The following FERMT2 variants were observed in gnomAD, a reference collection of about 807,000 sequenced individuals.
FERMT2 encodes fermitin family homolog 2.
Under a neutral mutation model 82.7 loss-of-function variants are expected in FERMT2, and 15 were observed. The ratio of observed to expected loss-of-function variants is 0.18; its 90% CI spans 0.12 to 0.28. The LOEUF (loss-of-function observed/expected upper bound fraction) is 0.28, where lower values mean the gene tolerates loss of function less well. Among genes scored for constraint, FERMT2 ranks in the 10% least tolerant of loss-of-function variants. The pLI is 1.00. For synonymous variants in FERMT2, 274 were observed against 271.5 expected (o/e 1.01, Z -0.09); for missense variants, 645 against 809.4 (o/e 0.80, Z 2.46).
At chr14:52,900,891 G>A (rs1398096981) in intron 3 of FERMT2, among the ~76,000 whole-genome samples, 1 of 151,950 alleles carries the variant, frequency 6.6e-6, no homozygotes, top group Admixed American at 6.6e-5. Flanking sequence ...GAAAAAGCTT[G>A]CTCAATATGT....
At chr14:52,872,708 A>T (rs1032693199) in intron 10 of FERMT2, 91 bp downstream of exon 10, 61 of 1,421,986 alleles carry the variant, frequency 4.3e-5, no homozygotes, top group East Asian at 2.8e-4. Context: ...TGATTTTTTT[A>T]AAAAACTTGT....
At chr14:52,899,512 G>C (rs1015429791) in intron 3 of FERMT2, among the ~76,000 whole-genome samples, 5 of 152,146 alleles carry the variant, frequency 3.3e-5, no homozygotes, top group African/African-American at 1.2e-4. Flanking sequence ...ACGATCTCCT[G>C]ACCTAGTGAT....
chr14:52,885,189 T>C (rs1039743572), intron 4 of FERMT2, among the ~76,000 whole-genome samples: 1 of 151,556 alleles, frequency 6.6e-6, no homozygotes. Context: ...GGCATGCTCC[T>C]GTAGTTCCAG....
intron 5 of FERMT2, 23 bp downstream of exon 5, chr14:52,881,221 T>G: frequency 6.2e-7 from 1 of 1,604,470 alleles, no homozygotes; most frequent in Non-Finnish European, 8.5e-7. Context: ...GAAATTCAAT[T>G]TTATCTATAT....
intron 4 of FERMT2, among the ~76,000 whole-genome samples, chr14:52,890,929 C>T (rs1164308453): frequency 6.6e-6 from 1 of 152,080 alleles, no homozygotes; most frequent in African/African-American, 2.4e-5. Flanking sequence ...TTACCTCTTC[C>T]TCAACCTACA....
intron 2 of FERMT2, among the ~76,000 whole-genome samples, chr14:52,937,448 T>C (rs1356915141): frequency 6.6e-6 from 1 of 152,188 alleles, no homozygotes; most frequent in Non-Finnish European, 1.5e-5. Context: ...CTGGAATGCC[T>C]TTCTTCCTAA....
At position 52,858,557 on chromosome 14, in the gene FERMT2, C is replaced by A; in HGVS notation, c.1870-7G>T. 2.5e-6 allele frequency: 4 copies of A among 1,613,660 alleles called. No homozygotes were observed. The highest frequency in any genetic ancestry group is 3.4e-6 in the Non-Finnish European group (4 of 1,179,704). ...CTGCAAACTCTACGGTGACCTGGAA[C>A]AAAGACAAGAGCCATCAGTGCTGTC... On this transcript the variant is annotated splice_polypyrimidine_tract_variant and splice_region_variant and intron_variant, in intron 14 of 14. Coordinates refer to ENST00000341590, the MANE Select transcript of FERMT2 (RefSeq NM_006832.3).
chr14:52,919,359 A>G lies in FERMT2; in HGVS notation c.158-3T>C. The G allele has an allele frequency of 1.9e-6, 3 of 1,570,878 alleles. No homozygotes were observed. The highest frequency in any genetic ancestry group is 2.6e-6 in the Non-Finnish European group (3 of 1,154,462). ...GTCAGACCAATCTTTTTTTACATCT[A>G]TAAAAAACAAACAATAAACAAATCA... is the stretch of plus-strand genomic sequence containing the variant. On this transcript the variant is annotated splice_region_variant and splice_polypyrimidine_tract_variant and intron_variant, in intron 2 of 14. Coordinates refer to ENST00000341590, the MANE Select transcript of FERMT2 (RefSeq NM_006832.3).
intron 3 of FERMT2, among the ~76,000 whole-genome samples, chr14:52,904,707 C>T (rs931922178): frequency 5.0e-5 from 7 of 139,788 alleles, no homozygotes; most frequent in African/African-American, 1.9e-4. Context: ...AAGAAACAAA[C>T]AAACAAACAA....
At chr14:52,891,284 A>C (rs1259148557) in intron 4 of FERMT2, among the ~76,000 whole-genome samples, 11 of 152,172 alleles carry the variant, frequency 7.2e-5, no homozygotes, top group Non-Finnish European at 2.9e-5. Flanking sequence ...AGCTGAATTC[A>C]CAAACTTTGT....
intron 3 of FERMT2, among the ~76,000 whole-genome samples, chr14:52,900,999 G>A (rs1398550510): frequency 2.7e-5 from 4 of 149,916 alleles, no homozygotes; most frequent in Admixed American, 1.4e-4. Flanking sequence ...AGTGGCTCAT[G>A]CCTGTAATCC....
chr14:52,910,937 G>A (rs1045602592), intron 3 of FERMT2, among the ~76,000 whole-genome samples: 1 of 151,898 alleles, frequency 6.6e-6, no homozygotes, highest in Non-Finnish European at 1.5e-5. Flanking sequence ...TTAATTAAGG[G>A]GAAATATTTA....
intron 10 of FERMT2, among the ~76,000 whole-genome samples, chr14:52,866,017 T>C (rs1203888446): frequency 2.0e-5 from 3 of 152,234 alleles, no homozygotes; most frequent in Admixed American, 6.5e-5. Context: ...AACTGTTTAA[T>C]GTGCAAAGTT....
At chr14:52,921,052 CA>C (rs1339208879) in intron 2 of FERMT2, among the ~76,000 whole-genome samples, 2 of 152,112 alleles carry the variant, frequency 1.3e-5, no homozygotes, top group African/African-American at 4.8e-5. Context: ...AAGAGTTTAT[CA>C]ACTTTAAGAC....
At chr14:52,880,484 C>T (rs1037870640) in intron 6 of FERMT2, among the ~76,000 whole-genome samples, 3 of 152,046 alleles carry the variant, frequency 2.0e-5, no homozygotes, top group Non-Finnish European at 2.9e-5. Flanking sequence ...CTGCAAGCTC[C>T]GTCTTCCAGG....
At chr14:52,873,012 T>C (rs1284968176) in intron 9 of FERMT2, 89 bp from the exon 10 acceptor site, 1 of 1,316,796 alleles carries the variant, frequency 7.6e-7, no homozygotes, top group Non-Finnish European at 1.1e-6. Context: ...TTAATTTAAG[T>C]CTGGGGTCAA....
chr14:52,921,087 G>A (rs907915079), intron 2 of FERMT2, among the ~76,000 whole-genome samples: 3 of 152,038 alleles, frequency 2.0e-5, no homozygotes, highest in African/African-American at 7.3e-5. Context: ...TATTAATCTA[G>A]AAATTGAAAC....
chr14:52,876,313 A>G (rs907001147), intron 7 of FERMT2, among the ~76,000 whole-genome samples: 3 of 152,208 alleles, frequency 2.0e-5, no homozygotes, highest in African/African-American at 4.8e-5. Flanking sequence ...AGAAATGTCA[A>G]TGTTCATAAA....
intron 3 of FERMT2, among the ~76,000 whole-genome samples, chr14:52,909,860 C>T (rs1473253350): frequency 6.6e-6 from 1 of 152,096 alleles, no homozygotes; most frequent in Non-Finnish European, 1.5e-5. Flanking sequence ...CGAGACCATC[C>T]TGGCAAACAT....
Sources: allele counts gnomAD v4.1 joint callset (sites outside exome capture counted in the v4.1 genomes callset), GRCh38; gene constraint gnomAD v4.1.1; transcripts MANE v1.5; gene names NCBI Gene and HGNC (gene_info 2026-07-23, HGNC 2026-07-21).